Variants in NCKAP5 observed in about 807,000 individuals in gnomAD.
NCKAP5 encodes the protein nck-associated protein 5.
NCKAP5 carries 92 observed loss-of-function variants against 167.0 expected under a neutral mutation model. The ratio of observed to expected loss-of-function variants is 0.55; its 90% CI spans 0.47 to 0.66. NCKAP5 has a LOEUF of 0.66. NCKAP5 is among the 30% of genes least tolerant of loss of function. NCKAP5 has a pLI of 0.00. For missense variants in NCKAP5, 2,378 were observed against 2,315.0 expected (o/e 1.03, Z -0.56); for synonymous variants, 891 against 877.4 (o/e 1.02, Z -0.27).
At chr2:133,327,515 G>A (rs1189884328) in intron 3 of NCKAP5, among the ~76,000 whole-genome samples, 1 of 152,104 alleles carries the variant, frequency 6.6e-6, no homozygotes, top group African/African-American at 2.4e-5. Context: ...GCAGGTTGTA[G>A]CCTTAATAAA....
chr2:133,311,431 T>C (rs1681223870), intron 3 of NCKAP5, among the ~76,000 whole-genome samples: 1 of 152,282 alleles, frequency 6.6e-6, no homozygotes. Flanking sequence ...AGTTCAGCTA[T>C]CTGGAAGCCC....
At chr2:132,934,316 T>G (rs1696676590) in intron 8 of NCKAP5, among the ~76,000 whole-genome samples, 3 of 152,224 alleles carry the variant, frequency 2.0e-5, no homozygotes, top group Admixed American at 6.5e-5. Context: ...CTCATGCCTG[T>G]AATCCCAGCA....
intron 19 of NCKAP5, among the ~76,000 whole-genome samples, chr2:132,721,310 A>G (rs928018248): frequency 6.7e-6 from 1 of 150,026 alleles, no homozygotes; most frequent in Admixed American, 6.6e-5. Context: ...TCCGTCTTGG[A>G]AAACAAAAGA....
At chr2:133,191,447 G>A (rs1446472900) in intron 5 of NCKAP5, among the ~76,000 whole-genome samples, 1 of 151,732 alleles carries the variant, frequency 6.6e-6, no homozygotes, top group Non-Finnish European at 1.5e-5. Context: ...GACAAATCAT[G>A]CTCCTATAAA....
intron 7 of NCKAP5, among the ~76,000 whole-genome samples, chr2:132,971,604 A>G (rs1179984758): frequency 3.3e-5 from 5 of 152,216 alleles, no homozygotes; most frequent in Admixed American, 2.6e-4. Flanking sequence ...TGCTGCTGCA[A>G]TAGGCTATGC....
chr2:133,592,110 C>T, the NCKAP5 span, among the ~76,000 whole-genome samples: 1 of 152,154 alleles, frequency 6.6e-6, no homozygotes, highest in South Asian at 2.1e-4. Context: ...TTTCATTTGA[C>T]AATGTACTTT....
chr2:133,242,385 A>G (rs2087759647), intron 4 of NCKAP5, among the ~76,000 whole-genome samples: 1 of 152,028 alleles, frequency 6.6e-6, no homozygotes, highest in Non-Finnish European at 1.5e-5. Context: ...TAGCTCTAGC[A>G]TGGAGGTGAT....
At chr2:133,321,218 G>A (rs1682028914) in intron 3 of NCKAP5, among the ~76,000 whole-genome samples, 1 of 152,152 alleles carries the variant, frequency 6.6e-6, no homozygotes, top group Non-Finnish European at 1.5e-5. Flanking sequence ...ATACCAGTTT[G>A]CATCACAGCC....
chr2:132,754,514 G>A (rs1296734377), intron 16 of NCKAP5, among the ~76,000 whole-genome samples: 2 of 152,148 alleles, frequency 1.3e-5, no homozygotes, highest in East Asian at 3.9e-4. Context: ...AACCAACTAA[G>A]CTTCCCAACT....
chr2:133,482,436 T>G (rs1243129526), intron 3 of NCKAP5, among the ~76,000 whole-genome samples: 1 of 152,152 alleles, frequency 6.6e-6, no homozygotes, highest in African/African-American at 2.4e-5. Context: ...CAAAGTGGTC[T>G]CAAACTCCTT....
chr2:133,345,066 G>A (rs779805014), intron 3 of NCKAP5, among the ~76,000 whole-genome samples: 1 of 152,122 alleles, frequency 6.6e-6, no homozygotes, highest in African/African-American at 2.4e-5. Context: ...GGCCCCTGGG[G>A]AGGAGGCAAC....
chr2:133,579,933 T>C, the NCKAP5 span, among the ~76,000 whole-genome samples: 1 of 152,214 alleles, frequency 6.6e-6, no homozygotes, highest in Non-Finnish European at 1.5e-5. Flanking sequence ...ATAGGATTCA[T>C]AAAGAATACA....
chr2:132,862,166 G>A (rs552780701), intron 10 of NCKAP5, among the ~76,000 whole-genome samples: 1 of 152,338 alleles, frequency 6.6e-6, no homozygotes, highest in African/African-American at 2.4e-5. Flanking sequence ...GAGTCACAGA[G>A]TTACCTGGGC....
intron 8 of NCKAP5, among the ~76,000 whole-genome samples, chr2:132,896,461 T>G (rs1199523357): frequency 6.6e-6 from 1 of 151,978 alleles, no homozygotes; most frequent in Non-Finnish European, 1.5e-5. Flanking sequence ...TGGGTAGGAG[T>G]TGGTAGATAT....
intron 11 of NCKAP5, among the ~76,000 whole-genome samples, chr2:132,847,076 C>T (rs1223809618): frequency 6.6e-6 from 1 of 152,068 alleles, no homozygotes; most frequent in East Asian, 1.9e-4. Flanking sequence ...AGGAAATGGG[C>T]CATATTTATA....
intron 3 of NCKAP5, among the ~76,000 whole-genome samples, chr2:133,456,177 T>C (rs1010400624): frequency 6.6e-6 from 1 of 152,216 alleles, no homozygotes; most frequent in Non-Finnish European, 1.5e-5. Flanking sequence ...ATTTTCATTG[T>C]TGCTTTTATT....
At chr2:133,641,813 C>T in the NCKAP5 span, among the ~76,000 whole-genome samples, 3 of 152,204 alleles carry the variant, frequency 2.0e-5, no homozygotes, top group African/African-American at 7.2e-5. Context: ...CAAACTCTTC[C>T]ATGGCAGGCT....
chr2:132,794,648 T>TACACACACACAC (rs4057986), intron 12 of NCKAP5, among the ~76,000 whole-genome samples: 4,734 of 142,496 alleles, frequency 0.033, 101 homozygotes, highest in East Asian at 0.082. Flanking sequence ...CAACAACAAA[T>TACACACACACAC]ACACACACAC....
intron 5 of NCKAP5, among the ~76,000 whole-genome samples, chr2:133,182,226 C>T (rs978962237): frequency 2.6e-5 from 4 of 152,162 alleles, no homozygotes; most frequent in African/African-American, 7.2e-5. Flanking sequence ...GGATACACAA[C>T]AATAGCATTA....
Sources: allele counts gnomAD v4.1 joint callset (sites outside exome capture counted in the v4.1 genomes callset), GRCh38; gene constraint gnomAD v4.1.1; transcripts MANE v1.5; gene names NCBI Gene and HGNC (gene_info 2026-07-23, HGNC 2026-07-21).